The following RBFOX1 variants were observed in gnomAD, a reference collection of about 807,000 sequenced individuals.
The protein encoded by RBFOX1 is RNA binding protein fox-1 homolog 1.
RBFOX1 carries 8 observed loss-of-function variants against 57.7 expected under a neutral mutation model. The ratio of observed to expected loss-of-function variants is 0.14; its 90% CI spans 0.08 to 0.25. RBFOX1 has a LOEUF of 0.25. RBFOX1 is among the 10% of genes least tolerant of loss of function. The probability of loss-of-function intolerance (pLI) is 1.00; values close to 1 mark genes in which losing one functional copy is unlikely to be tolerated. For missense variants in RBFOX1, 611 were observed against 548.5 expected (o/e 1.11, Z -1.14); for synonymous variants, 326 against 222.4 (o/e 1.47, Z -4.15).
At position 7,144,272 on chromosome 16, in the gene RBFOX1, C is replaced by T. The variant is rs76473573; in HGVS notation, c.27+92174C>T. ...GTGTTTAATGAAAGCAAAGAACTTCCTCCCCAGAGGAATTGATATATGCAC... is the reference window on the plus strand; with the variant it reads ...GTGTTTAATGAAAGCAAAGAACTTCTTCCCCAGAGGAATTGATATATGCAC... On this transcript the variant is annotated intron_variant, in intron 4 of 15. Coordinates refer to ENST00000550418, the MANE Select transcript of RBFOX1 (RefSeq NM_018723.4). Among the ~76,000 whole-genome samples the T allele has an allele frequency of 7.6e-3, 1,152 of 152,192 alleles. 17 individuals carry two copies. Among genetic ancestry groups the T allele is most frequent in the African/African-American group, 0.026 (1,084 of 41,538 alleles).
chr16:7,232,429 GGACCAGGTTCCT>G (rs976151528), intron 4 of RBFOX1, among the ~76,000 whole-genome samples: 1 of 152,080 alleles, frequency 6.6e-6, no homozygotes, highest in African/African-American at 2.4e-5. Context: ...TATTTATAGG[GGACCAGGTTCCT>G]GGCAACTATT....
At chr16:6,179,640 C>A (rs1010278607) in intron 1 of RBFOX1, among the ~76,000 whole-genome samples, 1 of 152,202 alleles carries the variant, frequency 6.6e-6, no homozygotes, top group African/African-American at 2.4e-5. Flanking sequence ...GAACACCCAA[C>A]AGCACCTGCT....
intron 4 of RBFOX1, among the ~76,000 whole-genome samples, chr16:7,319,804 C>A (rs1343481517): frequency 6.6e-6 from 1 of 152,094 alleles, no homozygotes; most frequent in Non-Finnish European, 1.5e-5. Context: ...CCTCCCTGCT[C>A]AAGTTGCCAT....
chr16:7,141,652 C>T (rs555691251), intron 4 of RBFOX1, among the ~76,000 whole-genome samples: 1 of 152,260 alleles, frequency 6.6e-6, no homozygotes, highest in African/African-American at 2.4e-5. Flanking sequence ...ATGAGTTAAA[C>T]TCATCTAACT....
At chr16:5,478,982 C>G (rs1478467525) in intron 2 of RBFOX1, among the ~76,000 whole-genome samples, 1 of 152,130 alleles carries the variant, frequency 6.6e-6, no homozygotes, top group Non-Finnish European at 1.5e-5. Context: ...GGCTCCTTTA[C>G]CCCCTACCCA....
At chr16:6,653,751 T>G (rs1602898378) in intron 2 of RBFOX1, among the ~76,000 whole-genome samples, 1 of 150,632 alleles carries the variant, frequency 6.6e-6, no homozygotes, top group African/African-American at 2.4e-5. Context: ...GATGGATGGG[T>G]GGGTAGATGA....
chr16:6,912,543 T>A (rs2071921653), intron 3 of RBFOX1, among the ~76,000 whole-genome samples: 1 of 152,204 alleles, frequency 6.6e-6, no homozygotes, highest in South Asian at 2.1e-4. Flanking sequence ...AGATTTAGGT[T>A]TAAATTCTTT....
intron 4 of RBFOX1, among the ~76,000 whole-genome samples, chr16:7,212,594 T>G (rs1030119297): frequency 2.0e-5 from 3 of 151,986 alleles, no homozygotes; most frequent in Non-Finnish European, 4.4e-5. Flanking sequence ...CCTTGAAGGC[T>G]GAGAACTCTC....
In RBFOX1 at chr16:6,223,895, G is replaced by C. The variant is rs574595452; in HGVS notation, c.-126-93100G>C. On this transcript the variant is annotated intron_variant, in intron 1 of 15. Coordinates refer to ENST00000550418, the MANE Select transcript of RBFOX1 (RefSeq NM_018723.4). ...ATTTTTGTATGAGGTGTAAGGAAGGGATCCAGTTTCAGCTTTCTCCATATG... is the reference window on the plus strand; with the variant it reads ...ATTTTTGTATGAGGTGTAAGGAAGGCATCCAGTTTCAGCTTTCTCCATATG... 2.0e-5 allele frequency among the ~76,000 whole-genome samples: 3 copies of C among 152,298 alleles called. No homozygotes were observed. In the South Asian group the frequency reaches 6.2e-4, roughly 32 times the overall value.
chr16:5,739,631 A>T (rs541423947), intron 3 of RBFOX1, among the ~76,000 whole-genome samples: 11 of 152,354 alleles, frequency 7.2e-5, no homozygotes, highest in Non-Finnish European at 1.2e-4. Context: ...ACAGAGACGG[A>T]TGTTTAAAAA....
intron 3 of RBFOX1, among the ~76,000 whole-genome samples, chr16:5,849,721 G>C (rs765914986): frequency 8.5e-5 from 13 of 152,112 alleles, no homozygotes; most frequent in Non-Finnish European, 1.6e-4. Context: ...TTATTTATTA[G>C]CATCTCGCCG....
chr16:6,203,440 T>A (rs2097229885), intron 1 of RBFOX1, among the ~76,000 whole-genome samples: 1 of 152,222 alleles, frequency 6.6e-6, no homozygotes, highest in Non-Finnish European at 1.5e-5. Flanking sequence ...TTTTTAAGAC[T>A]GAGTAATATC....
In RBFOX1 at chr16:7,195,285, A is replaced by G. The variant is rs79578160; in HGVS notation, c.27+143187A>G. 0.01 allele frequency among the ~76,000 whole-genome samples: 1,547 copies of G among 152,252 alleles called. 84 individuals are homozygous for G. The East Asian group carries it at 0.12, about 12-fold the overall frequency. On this transcript the variant is annotated intron_variant, in intron 4 of 15. Transcript: ENST00000550418. Reference sequence around the variant, plus strand: ...CATTCTCTTAAATTAATTTCATCACACAGGCTTGCAAAATAAGGCTTCTTG... The same window carrying G: ...CATTCTCTTAAATTAATTTCATCACGCAGGCTTGCAAAATAAGGCTTCTTG...
chr16:6,683,470 T>A (rs914470190), intron 3 of RBFOX1, among the ~76,000 whole-genome samples: 1 of 152,164 alleles, frequency 6.6e-6, no homozygotes, highest in Non-Finnish European at 1.5e-5. Flanking sequence ...GAGAAAAAAA[T>A]ACCTGTAATA....
intron 10 of RBFOX1, among the ~76,000 whole-genome samples, chr16:7,616,088 T>TACC (rs1487257367): frequency 6.6e-6 from 1 of 152,240 alleles, no homozygotes; most frequent in African/African-American, 2.4e-5. Flanking sequence ...TTTGATTTGA[T>TACC]ACCACACAGC....
intron 4 of RBFOX1, among the ~76,000 whole-genome samples, chr16:5,899,471 G>A (rs2058253874): frequency 6.6e-6 from 1 of 152,160 alleles, no homozygotes; most frequent in Non-Finnish European, 1.5e-5. Flanking sequence ...TACCAAAGTA[G>A]CATTTGAAAT....
At chr16:5,324,202 C>T (rs937345239) in intron 1 of RBFOX1, among the ~76,000 whole-genome samples, 6 of 152,210 alleles carry the variant, frequency 3.9e-5, no homozygotes, top group African/African-American at 1.2e-4. Flanking sequence ...GTGGCTCATG[C>T]CTGTAATCCC....
At chr16:6,985,737 G>C (rs1410967895) in intron 3 of RBFOX1, among the ~76,000 whole-genome samples, 9 of 148,262 alleles carry the variant, frequency 6.1e-5, no homozygotes, top group Non-Finnish European at 1.5e-5. Flanking sequence ...AAGAGGCTGA[G>C]GCATAAGAAT....
At chr16:5,365,062 G>C (rs1012629149) in intron 1 of RBFOX1, among the ~76,000 whole-genome samples, 2 of 152,166 alleles carry the variant, frequency 1.3e-5, no homozygotes, top group African/African-American at 4.8e-5. Flanking sequence ...CTCAGGGAGG[G>C]AGTGGGGAAG....
Sources: gnomAD v4.1 joint callset for allele counts (sites outside exome capture counted in the v4.1 genomes callset) on GRCh38, gnomAD v4.1.1 for gene constraint, MANE v1.5 for transcripts, NCBI Gene and HGNC (gene_info 2026-07-23, HGNC 2026-07-21) for gene names.